RBFOX1: variants seen among roughly 807,000 people sequenced by gnomAD.
The protein encoded by RBFOX1 is RNA binding fox-1 homolog 1, also known as RNA binding protein fox-1 homolog 1.
A neutral mutation model predicts 57.7 loss-of-function variants in RBFOX1; 8 were observed. That is an observed-to-expected ratio of 0.14 (90% CI 0.08 to 0.25). RBFOX1 has a LOEUF of 0.25. RBFOX1 is among the 10% of genes least tolerant of loss of function. The pLI, the probability that RBFOX1 is intolerant of heterozygous loss-of-function variation, is 1.00. For missense variants in RBFOX1, 611 were observed against 548.5 expected (o/e 1.11, Z -1.14); for synonymous variants, 326 against 222.4 (o/e 1.47, Z -4.15).
At chr16:6,951,182 T>C (rs2080681207) in intron 3 of RBFOX1, among the ~76,000 whole-genome samples, 1 of 152,088 alleles carries the variant, frequency 6.6e-6, no homozygotes, top group African/African-American at 2.4e-5. Context: ...GTTGGGATTA[T>C]AGGTGTGAGC....
chr16:6,194,883 T>C (rs1030569639), intron 1 of RBFOX1, among the ~76,000 whole-genome samples: 1 of 152,248 alleles, frequency 6.6e-6, no homozygotes, highest in Admixed American at 6.5e-5. Context: ...AGGTGCTTAA[T>C]ATCTGAGTGA....
intron 3 of RBFOX1, among the ~76,000 whole-genome samples, chr16:6,758,580 C>G (rs191065616): frequency 6.6e-5 from 10 of 152,256 alleles, no homozygotes; most frequent in Admixed American, 5.9e-4. Flanking sequence ...ACATCCCAAA[C>G]TGTACCAAGC....
At chr16:6,959,156 A>G (rs928584122) in intron 3 of RBFOX1, among the ~76,000 whole-genome samples, 1 of 152,060 alleles carries the variant, frequency 6.6e-6, no homozygotes, top group Non-Finnish European at 1.5e-5. Flanking sequence ...ACTACGATGG[A>G]TTGGAAAGCC....
chr16:6,328,446 T>C (rs2082630762), intron 2 of RBFOX1, among the ~76,000 whole-genome samples: 2 of 152,162 alleles, frequency 1.3e-5, no homozygotes, highest in African/African-American at 4.8e-5. Flanking sequence ...TTTTTTTTAA[T>C]GTTGTGCATT....
At chr16:7,386,003 C>T (rs1031388215) in intron 4 of RBFOX1, among the ~76,000 whole-genome samples, 4 of 150,990 alleles carry the variant, frequency 2.6e-5, no homozygotes, top group African/African-American at 9.7e-5. Context: ...GTTGGCCAGG[C>T]TGGTCTCGAA....
chr16:6,565,710 C>T (rs190476661), intron 2 of RBFOX1, among the ~76,000 whole-genome samples: 2 of 152,244 alleles, frequency 1.3e-5, no homozygotes, highest in Admixed American at 1.3e-4. Context: ...CCTCGTGATC[C>T]GCCCGCTTTG....
At chr16:6,596,895 C>T (rs74007929) in intron 2 of RBFOX1, among the ~76,000 whole-genome samples, 3,530 of 152,212 alleles carry the variant, frequency 0.023, 132 homozygotes, top group African/African-American at 0.079. Flanking sequence ...TGTAAATATA[C>T]ACACCCTTGA....
chr16:6,085,081 G>C (rs1001131314), intron 1 of RBFOX1, among the ~76,000 whole-genome samples: 1 of 152,174 alleles, frequency 6.6e-6, no homozygotes, highest in Non-Finnish European at 1.5e-5. Flanking sequence ...GTCTCAGGCA[G>C]AGTGCTGGGG....
intron 14 of RBFOX1, among the ~76,000 whole-genome samples, chr16:7,683,439 C>T (rs2075363063): frequency 6.6e-6 from 1 of 151,922 alleles, no homozygotes; most frequent in Non-Finnish European, 1.5e-5. Context: ...AACTGTTATG[C>T]ACTATTGGAT....
intron 2 of RBFOX1, among the ~76,000 whole-genome samples, chr16:6,479,276 A>G (rs2095332160): frequency 6.6e-6 from 1 of 152,224 alleles, no homozygotes; most frequent in Non-Finnish European, 1.5e-5. Flanking sequence ...AAGTAGACAC[A>G]TCTTACATGG....
At chr16:7,571,118 C>A (rs1346371589) in intron 5 of RBFOX1, among the ~76,000 whole-genome samples, 1 of 152,082 alleles carries the variant, frequency 6.6e-6, no homozygotes, top group Non-Finnish European at 1.5e-5. Flanking sequence ...CTAATGCATG[C>A]GGGGCTTATT....
chr16:6,845,715 C>T (rs1409031814), intron 3 of RBFOX1, among the ~76,000 whole-genome samples: 1 of 152,226 alleles, frequency 6.6e-6, no homozygotes, highest in African/African-American at 2.4e-5. Context: ...GCTTCTCTGA[C>T]ACAGACCCAT....
chr16:6,818,254 G>T (rs1273077950), intron 3 of RBFOX1, among the ~76,000 whole-genome samples: 1 of 152,034 alleles, frequency 6.6e-6, no homozygotes, highest in Non-Finnish European at 1.5e-5. Flanking sequence ...AGAGGCTTTA[G>T]AAGTAGGTGC....
At chr16:7,031,679 G>C (rs1180578383) in intron 3 of RBFOX1, among the ~76,000 whole-genome samples, 4 of 152,082 alleles carry the variant, frequency 2.6e-5, no homozygotes, top group Non-Finnish European at 4.4e-5. Context: ...GATGGGATTG[G>C]CGAGATAATC....
chr16:6,491,102 GTA>G (rs1399825552), intron 2 of RBFOX1, among the ~76,000 whole-genome samples: 1 of 151,838 alleles, frequency 6.6e-6, no homozygotes, highest in Non-Finnish European at 1.5e-5. Context: ...AATTATACGT[GTA>G]TATATAGTTA....
chr16:5,657,369 A>G (rs2049463427), intron 3 of RBFOX1, among the ~76,000 whole-genome samples: 1 of 152,190 alleles, frequency 6.6e-6, no homozygotes, highest in South Asian at 2.1e-4. Context: ...ATAAGACAGT[A>G]TGGTTGATCC....
chr16:7,093,083 G>T lies in RBFOX1; in HGVS notation c.27+40985G>T, dbSNP rs772664200. ...TTTCTGTGTTTCCTATGAGTGCAGT[G>T]CTTTACAGCAAAATGCCTCAGGAAT... On this transcript the variant is annotated intron_variant, in intron 4 of 15. Transcript: ENST00000550418. 2.6e-5 allele frequency among the ~76,000 whole-genome samples: 4 copies of T among 152,216 alleles called. No individual in the cohort carries two copies. In the East Asian group the frequency reaches 7.7e-4, roughly 29 times the overall value.
chr16:6,153,033 GTTTTTTT>G (rs59957159), intron 1 of RBFOX1, among the ~76,000 whole-genome samples: 1 of 128,136 alleles, frequency 7.8e-6, no homozygotes, highest in African/African-American at 2.8e-5. Context: ...GTTATTTTCT[GTTTTTTT>G]TTTTTTTTTG....
chr16:6,005,614 C>A (rs1406230471), intron 4 of RBFOX1, among the ~76,000 whole-genome samples: 1 of 152,204 alleles, frequency 6.6e-6, no homozygotes, highest in African/African-American at 2.4e-5. Context: ...CCTCCCTGGC[C>A]TCTACCCACT....
Sources: allele counts gnomAD v4.1 joint callset (sites outside exome capture counted in the v4.1 genomes callset), GRCh38; gene constraint gnomAD v4.1.1; transcripts MANE v1.5; gene names NCBI Gene and HGNC (gene_info 2026-07-23, HGNC 2026-07-21).